The following PDE4D variants were observed in gnomAD, a reference collection of about 807,000 sequenced individuals.
PDE4D encodes 3',5'-cyclic-AMP phosphodiesterase 4D.
Under a neutral mutation model 87.4 loss-of-function variants are expected in PDE4D, and 24 were observed. That is an observed-to-expected ratio of 0.27 (90% confidence interval 0.20 to 0.39). PDE4D has a LOEUF of 0.39. Among genes scored for constraint, PDE4D ranks in the 10% least tolerant of loss-of-function variants. PDE4D has a pLI of 1.00. For synonymous variants in PDE4D, 384 were observed against 383.2 expected (o/e 1.00, Z -0.02); for missense variants, 714 against 1,041.0 (o/e 0.69, Z 4.32).
chr5:59,606,939 G>A (rs867750615), intron 1 of PDE4D, among the ~76,000 whole-genome samples: 5 of 151,872 alleles, frequency 3.3e-5, no homozygotes, highest in Non-Finnish European at 7.4e-5. Flanking sequence ...CTTACAGAAG[G>A]GGGGGAAGGG....
rs1743804172 is a variant in PDE4D at position 58,976,356 on chromosome 5, C to T, written c.1824G>A (p.Arg608=). 4 of 1,611,476 alleles carry T rather than the reference C, an allele frequency of 2.5e-6. No homozygotes were observed. The Admixed American group carries it at 5.0e-5, about 20-fold the overall frequency. ...GVLLLDNYSD[R]IQVLQNMVHC... ...AACTCAAACAAGGCTTTACCTGAAT[C>T]CTATCGGAATAATTATCAAGAAGAA... The change falls in exon 13 of 15, where the codon AGG becomes AGA. Residue 608 remains arginine, a synonymous_variant. Coordinates refer to ENST00000340635, the MANE Select transcript of PDE4D (RefSeq NM_001104631.2).
intron 3 of PDE4D, among the ~76,000 whole-genome samples, chr5:59,933,970 G>A (rs1756277177): frequency 6.6e-6 from 1 of 151,954 alleles, no homozygotes; most frequent in Admixed American, 6.6e-5. Flanking sequence ...ATTATAGAAG[G>A]TGAGGGTTTT....
chr5:59,977,861 T>G (rs944266903), intron 3 of PDE4D, among the ~76,000 whole-genome samples: 3 of 152,196 alleles, frequency 2.0e-5, no homozygotes, highest in Non-Finnish European at 4.4e-5. Context: ...TCATTTAATA[T>G]TCCAATAATT....
chr5:59,586,850 G>C, intron 1 of PDE4D: 2 of 985,448 alleles, frequency 2.0e-6, no homozygotes, highest in Non-Finnish European at 2.4e-6. Context: ...TTGCCATGCT[G>C]TCCTTTAGAA....
chr5:59,670,125 G>A (rs1746948475), intron 1 of PDE4D, among the ~76,000 whole-genome samples: 1 of 152,110 alleles, frequency 6.6e-6, no homozygotes, highest in Non-Finnish European at 1.5e-5. Context: ...GTACAGACTA[G>A]ATTACTTGTT....
At chr5:60,213,575 T>C (rs1421964126) in intron 1 of PDE4D, among the ~76,000 whole-genome samples, 8 of 152,184 alleles carry the variant, frequency 5.3e-5, no homozygotes, top group African/African-American at 1.7e-4. Context: ...GCTAGGAAAG[T>C]TTGCCATTCC....
chr5:59,762,409 T>C (rs1053738016), intron 1 of PDE4D, among the ~76,000 whole-genome samples: 2 of 139,246 alleles, frequency 1.4e-5, no homozygotes, highest in African/African-American at 2.9e-5. Context: ...TGTGTATATG[T>C]GTATATGGGT....
chr5:59,597,158 A>T (rs765458856), intron 1 of PDE4D, among the ~76,000 whole-genome samples: 1 of 152,080 alleles, frequency 6.6e-6, no homozygotes, highest in Non-Finnish European at 1.5e-5. Flanking sequence ...TTTTGCAATC[A>T]ACATTGTGAT....
At chr5:60,366,485 T>C (rs1057489905) in intron 1 of PDE4D, among the ~76,000 whole-genome samples, 3 of 152,188 alleles carry the variant, frequency 2.0e-5, no homozygotes, top group Admixed American at 1.3e-4. Context: ...AATTGAAATA[T>C]ATGTAGGACC....
rs1038914369 is a variant in PDE4D at position 59,040,767 on chromosome 5, G to A, written c.809-1796C>T. Among the ~76,000 whole-genome samples the A allele has an allele frequency of 5.9e-5, 9 of 152,288 alleles. No individual in the cohort carries two copies. The East Asian group carries it at 9.6e-4, about 16-fold the overall frequency. On this transcript the variant is annotated intron_variant, in intron 5 of 14. Transcript: ENST00000340635. Reference sequence around the variant, plus strand: ...ACTGAGAAACTTACACTAAGTGGTGGGATCCCTTGTCTTTGTCTTTGAATC... The same window carrying A: ...ACTGAGAAACTTACACTAAGTGGTGAGATCCCTTGTCTTTGTCTTTGAATC...
intron 6 of PDE4D, among the ~76,000 whole-genome samples, chr5:59,011,789 C>T (rs1401778511): frequency 6.6e-6 from 1 of 152,046 alleles, no homozygotes; most frequent in Non-Finnish European, 1.5e-5. Flanking sequence ...ATTCAAATTC[C>T]AGAAATACAG....
chr5:60,102,979 A>AC (rs200169764), intron 2 of PDE4D, among the ~76,000 whole-genome samples: 56 of 131,712 alleles, frequency 4.3e-4, no homozygotes, highest in Middle Eastern at 3.6e-3. Flanking sequence ...AGAAATGACA[A>AC]AAAAAAAAAA....
chr5:60,228,454 C>T (rs1745393264), intron 1 of PDE4D, among the ~76,000 whole-genome samples: 1 of 151,950 alleles, frequency 6.6e-6, no homozygotes, highest in Admixed American at 6.6e-5. Flanking sequence ...TATCACATGC[C>T]ATTTGAATGA....
intron 1 of PDE4D, among the ~76,000 whole-genome samples, chr5:59,480,958 G>T (rs1302964483): frequency 2.0e-5 from 3 of 152,114 alleles, no homozygotes; most frequent in Non-Finnish European, 2.9e-5. Context: ...CAATGACCAG[G>T]GCAGTGTCAT....
rs146564235 is a variant in PDE4D, at chr5:59,222,178, G to C, written c.456-6210C>G. On this transcript the variant is annotated intron_variant, in intron 1 of 14. Transcript: ENST00000340635. The stretch of plus-strand genomic sequence containing the variant: ...ACTGTTCCATTTCAGTGGAATTACT[G>C]GATGGTAATACAGTTCCAATCTACC... Among the ~76,000 whole-genome samples the C allele has an allele frequency of 6.1e-3, 936 of 152,236 alleles. 6 individuals are homozygous for C. Among genetic ancestry groups the C allele is most frequent in the African/African-American group, 0.021 (885 of 41,552 alleles).
intron 2 of PDE4D, among the ~76,000 whole-genome samples, chr5:60,134,550 C>G (rs1216412635): frequency 6.6e-6 from 1 of 152,180 alleles, no homozygotes; most frequent in Non-Finnish European, 1.5e-5. Context: ...AGTTGTCCCA[C>G]AGTATTCGTG....
intron 1 of PDE4D, among the ~76,000 whole-genome samples, chr5:59,439,421 A>G (rs1012592898): frequency 4.9e-4 from 75 of 152,188 alleles, no homozygotes; most frequent in Non-Finnish European, 1.6e-4. Context: ...TTGGGTCACA[A>G]TGCTGCGCTG....
chr5:60,217,523 A>G (rs1313991568), intron 1 of PDE4D, among the ~76,000 whole-genome samples: 1 of 152,004 alleles, frequency 6.6e-6, no homozygotes, highest in Admixed American at 6.6e-5. Context: ...AGTAAAACAC[A>G]ACGCAAAAAG....
In PDE4D at chr5:60,381,045, A is replaced by C. The variant is rs184656837; in HGVS notation, c.-90+106897T>G. On this transcript the variant is annotated intron_variant, in intron 1 of 16. Coordinates refer to the PDE4D transcript ENST00000502484. ...AAGACTGAACTTAGGCCAGCTCCTG[A>C]GAGTAAGCCTTGAGCCACAGGTATA... is the stretch of plus-strand genomic sequence containing the variant. Among the ~76,000 whole-genome samples the C allele has an allele frequency of 1.7e-3, 261 of 152,338 alleles. 8 individuals carry two copies. The highest frequency in any genetic ancestry group is 2.0e-3 in the Non-Finnish European group (137 of 68,028).
Sources: allele counts gnomAD v4.1 joint callset (sites outside exome capture counted in the v4.1 genomes callset), GRCh38; gene constraint gnomAD v4.1.1; transcripts MANE v1.5; gene names NCBI Gene and HGNC (gene_info 2026-07-23, HGNC 2026-07-21).